The following UACA variants were observed in gnomAD, a reference collection of about 807,000 sequenced individuals.
UACA encodes uveal autoantigen with coiled-coil domains and ankyrin repeats, also known as nuclear membrane binding protein.
In UACA, 112 loss-of-function variants were observed where a neutral mutation model predicts 160.5. That is an observed-to-expected ratio of 0.70 (90% CI 0.60 to 0.82). The LOEUF (loss-of-function observed/expected upper bound fraction) is 0.82, where lower values mean the gene tolerates loss of function less well. Among genes scored for constraint, UACA ranks in the 40% least tolerant of loss-of-function variants. The pLI, the probability that UACA is intolerant of heterozygous loss-of-function variation, is 0.00. For synonymous variants in UACA, 557 were observed against 568.4 expected (o/e 0.98, Z 0.29); for missense variants, 1,574 against 1,614.6 (o/e 0.97, Z 0.43).
At chr15:70,660,522 A>C (rs1896669599) in intron 17 of UACA, 1 of 293,882 alleles carries the variant, frequency 3.4e-6, no homozygotes, top group Non-Finnish European at 6.3e-6. Context: ...GATTATTGCA[A>C]ACGCTTCCCA....
At chr15:70,766,588 T>C (rs1204131494), upstream of UACA, among the ~76,000 whole-genome samples, 1 of 152,200 alleles carries the variant, frequency 6.6e-6, no homozygotes, top group Non-Finnish European at 1.5e-5. Context: ...ACCACCCCTA[T>C]TTTGATCCCT....
intron 2 of UACA, among the ~76,000 whole-genome samples, chr15:70,695,734 G>C (rs80234892): frequency 0.011 from 1,649 of 152,072 alleles, 27 homozygotes; most frequent in African/African-American, 0.038. Context: ...CACATGAACA[G>C]GAATAACTGA....
At chr15:70,708,209 G>C (rs1021984243) in intron 1 of UACA, among the ~76,000 whole-genome samples, 2 of 152,168 alleles carry the variant, frequency 1.3e-5, no homozygotes, top group Non-Finnish European at 2.9e-5. Flanking sequence ...CTTACATGAG[G>C]TACCTAAAGT....
intron 1 of UACA, among the ~76,000 whole-genome samples, chr15:70,752,099 G>A (rs1307685825): frequency 6.6e-6 from 1 of 152,132 alleles, no homozygotes; most frequent in South Asian, 2.1e-4. Flanking sequence ...TTAGCTGGGT[G>A]TGGTGGCGCG....
rs776574311 is a variant in UACA at position 70,660,136 on chromosome 15, G to A, written c.4179+15C>T. On this transcript the variant is annotated intron_variant, in intron 18 of 18. Coordinates refer to ENST00000322954, the MANE Select transcript of UACA (RefSeq NM_018003.4). ...CTAAAGCAATATTCTTTCCAAAGGAGAAGTAGTTCTTTACCTGTGCAGCAC... is the reference window on the plus strand; with the variant it reads ...CTAAAGCAATATTCTTTCCAAAGGAAAAGTAGTTCTTTACCTGTGCAGCAC... The A allele has an allele frequency of 4.4e-6, 7 of 1,595,988 alleles. No homozygotes were observed. The highest frequency in any genetic ancestry group is 1.7e-4 in the Middle Eastern group (1 of 6,014).
intron 1 of UACA, among the ~76,000 whole-genome samples, chr15:70,718,345 T>TGC (rs1898889821): frequency 6.8e-6 from 1 of 146,478 alleles, no homozygotes; most frequent in Non-Finnish European, 1.5e-5. Context: ...TGTGTGTGTG[T>TGC]GTGTGTGTGT....
chr15:70,694,917 T>C, intron 3 of UACA, 100 bp downstream of exon 3: 1 of 967,212 alleles, frequency 1.0e-6, no homozygotes, highest in South Asian at 1.4e-5. Flanking sequence ...ATTGAGGACA[T>C]CTCTCTTTAT....
In UACA at chr15:70,660,210, C is replaced by G; in HGVS notation, c.4120G>C (p.Asp1374His). ...GCAATTACTTCTTGGTGCTGTCTGT[C>G]AGCATCCTAGAAATGTGGAAAGATG... is the stretch of plus-strand genomic sequence containing the variant. ...KSLEQQLADA[D>H]RQHQEVIAIY... The change falls in exon 18 of 19, where the codon GAC (aspartate) becomes CAC (histidine). Residue 1374 changes from aspartate (D) to histidine (H), a missense_variant. Physicochemically the swap from Asp to His is moderately conservative, Grantham distance 81 (BLOSUM62 -1). Transcript: ENST00000322954. The G allele has an allele frequency of 6.2e-7, 1 of 1,613,564 alleles. No individual in the cohort carries two copies.
At chr15:70,725,950 T>C (rs1899131816) in intron 1 of UACA, among the ~76,000 whole-genome samples, 1 of 152,124 alleles carries the variant, frequency 6.6e-6, no homozygotes, top group Admixed American at 6.5e-5. Context: ...ACTCCATGAA[T>C]GTAGCAAAAT....
In UACA at chr15:70,747,858, A is replaced by T. The variant is rs1595922028; in HGVS notation, c.78+15472T>A. Among the ~76,000 whole-genome samples, 18 of 152,264 alleles carry T rather than the reference A, an allele frequency of 1.2e-4. No individual in the cohort carries two copies. In the South Asian group the frequency reaches 3.3e-3, roughly 28 times the overall value. On this transcript the variant is annotated intron_variant, in intron 1 of 18. Coordinates refer to ENST00000322954, the MANE Select transcript of UACA (RefSeq NM_018003.4). Reference sequence around the variant, plus strand: ...ATTTCTTTTTATTTATATAGAAAAAAATAAAATAGAATAATTTATGTCCCA... The same window carrying T: ...ATTTCTTTTTATTTATATAGAAAAATATAAAATAGAATAATTTATGTCCCA...
rs148940932 is a variant in UACA, at chr15:70,706,198, T to C, written c.79-6538A>G. Among the ~76,000 whole-genome samples, 253 of 152,184 alleles carry C rather than the reference T, an allele frequency of 1.7e-3. 1 individual carries two copies. The highest frequency in any genetic ancestry group is 6.8e-3 in the Middle Eastern group (2 of 294). On this transcript the variant is annotated intron_variant, in intron 1 of 18. Transcript: ENST00000322954. Reference sequence around the variant, plus strand: ...ATCACAATGATCATATAAGTTGATATAGAAAAAGCATTTGACAAGACTCAA... The same window carrying C: ...ATCACAATGATCATATAAGTTGATACAGAAAAAGCATTTGACAAGACTCAA...
intron 1 of UACA, among the ~76,000 whole-genome samples, chr15:70,721,382 C>A (rs549205514): frequency 6.6e-6 from 1 of 152,068 alleles, no homozygotes; most frequent in Non-Finnish European, 1.5e-5. Flanking sequence ...TCCCAGCACT[C>A]TGGGAGGCCG....
the UACA span, among the ~76,000 whole-genome samples, chr15:70,769,636 T>C: frequency 6.6e-6 from 1 of 152,120 alleles, no homozygotes; most frequent in East Asian, 1.9e-4. Context: ...CAAATATCCT[T>C]ATAAATTAAT....
chr15:70,719,090 AAG>A (rs749248539), intron 1 of UACA, among the ~76,000 whole-genome samples: 2 of 151,772 alleles, frequency 1.3e-5, no homozygotes, highest in African/African-American at 2.4e-5. Context: ...GGAAGGAAGA[AAG>A]AGAAAGAGAA....
Position 70,754,352 on chromosome 15 carries a change from T to C in UACA, c.78+8978A>G, listed in dbSNP as rs911144928. Among the ~76,000 whole-genome samples, 7 of 152,144 alleles carry C rather than the reference T, an allele frequency of 4.6e-5. No homozygotes were observed. The South Asian group carries it at 1.0e-3, about 23-fold the overall frequency. ...CGTACAACTATTCTGTTTTTTCACT[T>C]TCAATAGAGTATTCGGTATTGAATT... On this transcript the variant is annotated intron_variant, in intron 1 of 18. Transcript: ENST00000322954.
intron 16 of UACA, among the ~76,000 whole-genome samples, chr15:70,666,190 A>T (rs149271811): frequency 1.3e-4 from 20 of 152,336 alleles, no homozygotes; most frequent in African/African-American, 4.6e-4. Flanking sequence ...GAAGGAGGAT[A>T]ACATGTTAAT....
chr15:70,763,599 G>C (rs1407304793), upstream of UACA: 1 of 1,170,640 alleles, frequency 8.5e-7, no homozygotes, highest in African/African-American at 1.6e-5. Context: ...CAATTGACCC[G>C]CTGCCCTGGC....
chr15:70,654,911 T>C lies in UACA; in HGVS notation c.*2145A>G, dbSNP rs1456337839. ...AGTGTTGTAAACGCAATTTCTGCCT[T>C]CGATATCAAAAGGTGAGTGAATGAG... On this transcript the variant is annotated 3_prime_UTR_variant, in exon 19 of 19. Coordinates refer to ENST00000322954, the MANE Select transcript of UACA (RefSeq NM_018003.4). The C allele has an allele frequency of 6.6e-6, 1 of 152,228 alleles. No individual in the cohort carries two copies. The highest frequency in any genetic ancestry group is 1.5e-5 in the Non-Finnish European group (1 of 68,054). The allele number at this position is 152,228 out of a possible 1,614,324, so 9.4% of individuals were successfully genotyped here.
intron 1 of UACA, chr15:70,701,725 A>T: frequency 1.6e-6 from 1 of 636,986 alleles, no homozygotes; most frequent in Non-Finnish European, 2.5e-6. Context: ...ACTTTTGTTT[A>T]CTATTACTAA....
Sources: allele counts gnomAD v4.1 joint callset (sites outside exome capture counted in the v4.1 genomes callset), GRCh38; gene constraint gnomAD v4.1.1; transcripts MANE v1.5; gene names NCBI Gene and HGNC (gene_info 2026-07-23, HGNC 2026-07-21).